Variants in SCN11A observed in about 807,000 individuals in gnomAD.
The protein encoded by SCN11A is sodium channel protein type 11 subunit alpha.
Under a neutral mutation model 162.2 loss-of-function variants are expected in SCN11A, and 122 were observed. The ratio of observed to expected loss-of-function variants is 0.75; its 90% CI spans 0.65 to 0.87. The LOEUF (loss-of-function observed/expected upper bound fraction) is 0.87. Among genes scored for constraint, SCN11A ranks in the 40% least tolerant of loss-of-function variants. SCN11A has a pLI of 0.00. For missense variants in SCN11A, 2,015 were observed against 2,181.6 expected (o/e 0.92, Z 1.52); for synonymous variants, 758 against 751.5 (o/e 1.01, Z -0.14).
intron 19 of SCN11A, among the ~76,000 whole-genome samples, chr3:38,894,176 AAACC>A (rs2126115517): frequency 6.6e-6 from 1 of 152,210 alleles, no homozygotes; most frequent in African/African-American, 2.4e-5. Context: ...TAAAACAAAC[AAACC>A]AACCAACAAA....
intron 11 of SCN11A, among the ~76,000 whole-genome samples, chr3:38,915,806 G>T (rs1340194605): frequency 6.6e-6 from 1 of 152,044 alleles, no homozygotes; most frequent in East Asian, 1.9e-4. Flanking sequence ...TTCTGTAGAG[G>T]TCTAACAGGT....
chr3:38,931,377 C>T (rs1328077834), intron 7 of SCN11A, among the ~76,000 whole-genome samples: 2 of 152,130 alleles, frequency 1.3e-5, no homozygotes, highest in African/African-American at 4.8e-5. Context: ...AAAGAAAGGG[C>T]AGTTTTCAAA....
chr3:38,951,441 C>A (rs1334302499), intron 4 of SCN11A, among the ~76,000 whole-genome samples: 2 of 152,270 alleles, frequency 1.3e-5, no homozygotes, highest in Non-Finnish European at 2.9e-5. Context: ...CCACTCCCTC[C>A]ATGGGCTCCT....
chr3:38,860,006 G>T (rs575867507), intron 28 of SCN11A, among the ~76,000 whole-genome samples: 2 of 152,196 alleles, frequency 1.3e-5, no homozygotes, highest in South Asian at 4.2e-4. Flanking sequence ...TGCAGACCTT[G>T]CACTGGATGG....
intron 14 of SCN11A, among the ~76,000 whole-genome samples, chr3:38,906,131 C>A (rs1479631864): frequency 4.6e-5 from 7 of 152,174 alleles, no homozygotes; most frequent in Non-Finnish European, 1.0e-4. Context: ...CCTACTTCTG[C>A]AAAGGCCTCT....
chr3:38,894,176 A>C (rs562539816), intron 19 of SCN11A, among the ~76,000 whole-genome samples: 137 of 152,210 alleles, frequency 9.0e-4, no homozygotes, highest in African/African-American at 2.1e-3. Context: ...TAAAACAAAC[A>C]AACCAACCAA....
At chr3:38,864,840 T>C (rs781135262) in intron 27 of SCN11A, among the ~76,000 whole-genome samples, 9 of 152,122 alleles carry the variant, frequency 5.9e-5, no homozygotes, top group Non-Finnish European at 1.0e-4. Context: ...TGAATCCTGA[T>C]TTGAAAACAA....
rs544050485 is a variant in SCN11A, at chr3:38,981,587, C to G, written c.-279-21164G>C. Reference sequence around the variant, plus strand: ...TGTGTGTATTCCTCATCCGTGGTCTCAGGAAAGAGCAGCAGACATCTGATT... The same window carrying G: ...TGTGTGTATTCCTCATCCGTGGTCTGAGGAAAGAGCAGCAGACATCTGATT... On this transcript the variant is annotated intron_variant, in intron 2 of 29. Coordinates refer to ENST00000302328, the MANE Select transcript of SCN11A (RefSeq NM_001349253.2). Among the ~76,000 whole-genome samples, 13 of 150,608 alleles carry G rather than the reference C, an allele frequency of 8.6e-5. No homozygotes were observed. The South Asian group carries it at 1.9e-3, about 22-fold the overall frequency.
At chr3:38,978,970 G>A (rs1041015221) in intron 2 of SCN11A, among the ~76,000 whole-genome samples, 3 of 152,072 alleles carry the variant, frequency 2.0e-5, no homozygotes, top group African/African-American at 7.2e-5. Context: ...GGTCAGCCTC[G>A]GGAAACCTTT....
intron 28 of SCN11A, among the ~76,000 whole-genome samples, chr3:38,861,530 G>C (rs1162350809): frequency 6.6e-6 from 1 of 152,052 alleles, no homozygotes; most frequent in Non-Finnish European, 1.5e-5. Flanking sequence ...GCATGGTACT[G>C]GTATAAAAAC....
chr3:38,916,519 G>T (rs11716902), intron 11 of SCN11A, among the ~76,000 whole-genome samples: 80,705 of 151,952 alleles, frequency 0.53, 24,235 homozygotes, highest in South Asian at 0.67. Flanking sequence ...CCAGTCATCT[G>T]CCTGCCCTAA....
rs1225966822 is a variant in SCN11A, at chr3:38,946,560, AAAG to A, written c.386+226_386+228del. 2.0e-5 allele frequency among the ~76,000 whole-genome samples: 3 copies of A among 152,168 alleles called. No homozygotes were observed. In the East Asian group the frequency reaches 5.8e-4, roughly 29 times the overall value. ...CCACTTTCACACGACCAATCTCACTAAAGAAGTTGCCTGCCTTTTAGTCTATGC... is the reference window on the plus strand; with the variant it reads ...CCACTTTCACACGACCAATCTCACTAAAGTTGCCTGCCTTTTAGTCTATGC... On this transcript the variant is annotated intron_variant, in intron 6 of 29. Transcript: ENST00000302328.
chr3:38,881,680 A>ATGC (rs1293035891), intron 22 of SCN11A, among the ~76,000 whole-genome samples: 5 of 151,988 alleles, frequency 3.3e-5, no homozygotes, highest in Non-Finnish European at 7.4e-5. Flanking sequence ...CTTCCAGGTG[A>ATGC]TGCTGCTGCT....
intron 17 of SCN11A, among the ~76,000 whole-genome samples, chr3:38,899,508 G>A (rs1396580656): frequency 8.5e-5 from 13 of 152,128 alleles, no homozygotes; most frequent in Admixed American, 3.9e-4. Flanking sequence ...CCCCCTTGGC[G>A]AGCCCAATAT....
intron 23 of SCN11A, 116 bp from the exon 24 acceptor site, chr3:38,872,410 G>A (rs114430382): frequency 3.2e-5 from 20 of 630,578 alleles, no homozygotes; most frequent in African/African-American, 2.0e-4. Flanking sequence ...ATGCACTCAC[G>A]TTATTTGTTT....
intron 27 of SCN11A, among the ~76,000 whole-genome samples, chr3:38,865,143 A>T (rs1213708306): frequency 6.6e-6 from 1 of 152,216 alleles, no homozygotes; most frequent in Non-Finnish European, 1.5e-5. Context: ...TAGAACAAGC[A>T]CATTCTTAAG....
intron 2 of SCN11A, among the ~76,000 whole-genome samples, chr3:39,000,357 T>A (rs2030772968): frequency 6.6e-6 from 1 of 152,216 alleles, no homozygotes; most frequent in South Asian, 2.1e-4. Flanking sequence ...AAGGTATGCA[T>A]GATGATTCAC....
At chr3:38,934,495 G>A (rs1279179245) in intron 7 of SCN11A, among the ~76,000 whole-genome samples, 3 of 152,146 alleles carry the variant, frequency 2.0e-5, no homozygotes, top group Admixed American at 2.0e-4. Flanking sequence ...CTCATGTGCA[G>A]AGACACACAT....
At chr3:39,050,280 T>C (rs1477761630) in intron 1 of SCN11A, among the ~76,000 whole-genome samples, 1 of 152,212 alleles carries the variant, frequency 6.6e-6, no homozygotes, top group Admixed American at 6.5e-5. Context: ...TAGTTAACTC[T>C]TGACTCAAGA....
Sources: gnomAD v4.1 joint callset for allele counts (sites outside exome capture counted in the v4.1 genomes callset) on GRCh38, gnomAD v4.1.1 for gene constraint, MANE v1.5 for transcripts, NCBI Gene and HGNC (gene_info 2026-07-23, HGNC 2026-07-21) for gene names.